Variants in ITPRID1 observed in about 807,000 individuals in gnomAD.
ITPRID1 encodes the protein protein ITPRID1.
Under a neutral mutation model 95.4 loss-of-function variants are expected in ITPRID1, and 96 were observed. The observed-to-expected ratio is 1.01, with a 90% CI of 0.85 to 1.19. The LOEUF is 1.19. Ranked by LOEUF, ITPRID1 falls within the 50% of genes most tolerant of loss-of-function variation. ITPRID1 has a pLI of 0.00. For missense variants in ITPRID1, 1,339 were observed against 1,252.9 expected (o/e 1.07, Z -1.04); for synonymous variants, 510 against 453.6 (o/e 1.12, Z -1.58).
At chr7:31,631,836 G>T (rs17160320) in intron 10 of ITPRID1, among the ~76,000 whole-genome samples, 1 of 152,168 alleles carries the variant, frequency 6.6e-6, no homozygotes, top group Non-Finnish European at 1.5e-5. Context: ...AAAATAATTA[G>T]CTTGTCTCAG....
chr7:31,583,153 A>C lies in ITPRID1; in HGVS notation c.1190A>C (p.Glu397Ala). 6.2e-7 allele frequency: 1 copy of C among 1,611,878 alleles called. No homozygotes were observed. Among genetic ancestry groups the C allele is most frequent in the Admixed American group, 1.7e-5 (1 of 59,978 alleles). ...TCTTAGGTCCAAAGCTTTGAAGAAGAGACTGGTAATCCTCTTGACATGACT... is the reference window on the plus strand; with the variant it reads ...TCTTAGGTCCAAAGCTTTGAAGAAGCGACTGGTAATCCTCTTGACATGACT... ...EMEEVQSFEE[E>A]TGNPLDMTSG... The change falls in exon 10 of 15, where the codon GAG becomes GCG. Residue 397 changes from glutamate (E) to alanine (A), a missense_variant. By Grantham distance (107) the Glu-to-Ala change is moderately radical. Coordinates refer to ENST00000615280, the MANE Select transcript of ITPRID1 (RefSeq NM_001257967.3).
intron 1 of ITPRID1, among the ~76,000 whole-genome samples, chr7:31,539,347 G>T (rs1308891401): frequency 6.6e-6 from 1 of 151,946 alleles, no homozygotes; most frequent in African/African-American, 2.4e-5. Flanking sequence ...ACCACACCTG[G>T]CTAATTTTTG....
chr7:31,614,011 G>A (rs763485), intron 10 of ITPRID1, among the ~76,000 whole-genome samples: 46,777 of 152,088 alleles, frequency 0.31, 7,614 homozygotes, highest in East Asian at 0.53. Context: ...TTGGCTCAGA[G>A]GAGTAAAGTG....
Position 31,551,480 on chromosome 7 carries a change from A to G in ITPRID1, c.-23-1522A>G, listed in dbSNP as rs539864328. On this transcript the variant is annotated intron_variant, in intron 2 of 14. Transcript: ENST00000615280. Reference sequence around the variant, plus strand: ...AGATATTCCTAAAGTTAACTGGCTAAAATATTGACTGTTAATATAGATATA... The same window carrying G: ...AGATATTCCTAAAGTTAACTGGCTAGAATATTGACTGTTAATATAGATATA... 1.9e-4 allele frequency among the ~76,000 whole-genome samples: 27 copies of G among 143,906 alleles called. 2 individuals carry two copies. Among genetic ancestry groups the G allele is most frequent in the Middle Eastern group, 3.7e-3 (1 of 270 alleles). The allele number at this position is 143,906 out of a possible 152,430, so 94.4% of individuals were successfully genotyped here.
In ITPRID1 at chr7:31,649,796, C is replaced by T. The variant is rs55688464; in HGVS notation, c.2584-1346C>T. Among the ~76,000 whole-genome samples, 1,248 of 152,210 alleles carry T rather than the reference C, an allele frequency of 8.2e-3. 43 individuals carry two copies. The highest frequency in any genetic ancestry group is 0.066 in the East Asian group (341 of 5,170). On this transcript the variant is annotated intron_variant, in intron 12 of 14. Transcript: ENST00000615280. ...AGAACTCAGCAAGTCATCAGAGTGC[C>T]GGCAAATGGACTGGGCTTGGAGGTG...
intron 10 of ITPRID1, among the ~76,000 whole-genome samples, chr7:31,641,822 T>A (rs532610142): frequency 6.6e-6 from 1 of 152,340 alleles, no homozygotes; most frequent in African/African-American, 2.4e-5. Context: ...ATGTGGTCTT[T>A]CATTATTTTA....
chr7:31,599,648 TTTCTTTCTTTC>T lies in ITPRID1; in HGVS notation c.1228+16458_1228+16468del, dbSNP rs1562598908. On this transcript the variant is annotated intron_variant, in intron 10 of 14. Coordinates refer to ENST00000615280, the MANE Select transcript of ITPRID1 (RefSeq NM_001257967.3). ...TTCTTTCTTTCTTTCTTTCTTTCTT[TTTCTTTCTTTC>T]CTTTCTCTCTCTCTCTCTCTCTCTC... Among the ~76,000 whole-genome samples the T allele has an allele frequency of 2.6e-3, 78 of 29,460 alleles. 3 individuals are homozygous for T. Among genetic ancestry groups the T allele is most frequent in the African/African-American group, 6.2e-3 (55 of 8,808 alleles). The allele number at this position is 29,460 out of a possible 152,430, so 19.3% of individuals were successfully genotyped here.
At position 31,567,735 on chromosome 7, in the gene ITPRID1, T is replaced by C. The variant is rs529139862; in HGVS notation, c.257-2023T>C. Reference sequence around the variant, plus strand: ...TAGCTGTCACCCTGCCTGACTCTTATGATGATAGTTACATTTGTTTTGTAG... The same window carrying C: ...TAGCTGTCACCCTGCCTGACTCTTACGATGATAGTTACATTTGTTTTGTAG... On this transcript the variant is annotated intron_variant, in intron 5 of 14. Coordinates refer to ENST00000615280, the MANE Select transcript of ITPRID1 (RefSeq NM_001257967.3). Among the ~76,000 whole-genome samples the C allele has an allele frequency of 1.1e-4, 16 of 152,256 alleles. No homozygotes were observed. The East Asian group carries it at 2.9e-3, about 28-fold the overall frequency.
intron 1 of ITPRID1, among the ~76,000 whole-genome samples, chr7:31,534,900 G>A (rs776740758): frequency 1.9e-4 from 28 of 151,330 alleles, no homozygotes; most frequent in Admixed American, 2.6e-4. Context: ...TTTTATCTTC[G>A]CTTTTTAAGA....
chr7:31,594,410 G>C (rs999940513), intron 10 of ITPRID1, among the ~76,000 whole-genome samples: 1 of 152,216 alleles, frequency 6.6e-6, no homozygotes, highest in African/African-American at 2.4e-5. Flanking sequence ...ATAAGGAACC[G>C]TTAATGGTGG....
chr7:31,658,298 C>CT (rs1791385903), downstream of ITPRID1: 8 of 1,494,476 alleles, frequency 5.4e-6, no homozygotes, highest in African/African-American at 1.5e-5. Context: ...GAGCTGGATC[C>CT]CTTTTTTTTT....
chr7:31,578,377 G>A lies in ITPRID1; in HGVS notation c.1113G>A (p.Lys371=), dbSNP rs1016728324. The change falls in exon 9 of 15, where the codon AAG becomes AAA. Residue 371 remains lysine, a synonymous_variant. Transcript: ENST00000615280. ...TQKENLFQTN[K]LKSLSHLAGK... The stretch of plus-strand genomic sequence containing the variant: ...AGGAGAACTTATTTCAGACTAACAA[G>A]CTCAAGAGCTTGTCTCATCTTGCAG... 9 of 1,613,490 alleles carry A rather than the reference G, an allele frequency of 5.6e-6. No individual in the cohort carries two copies. The highest frequency in any genetic ancestry group is 7.6e-6 in the Non-Finnish European group (9 of 1,179,712).
chr7:31,619,497 AT>A (rs1787594557), intron 10 of ITPRID1, among the ~76,000 whole-genome samples: 1 of 152,288 alleles, frequency 6.6e-6, no homozygotes, highest in Admixed American at 6.5e-5. Context: ...GTATCATAGC[AT>A]TTTGATAAGA....
chr7:31,545,426 G>A (rs1371377226), intron 1 of ITPRID1, among the ~76,000 whole-genome samples: 1 of 151,844 alleles, frequency 6.6e-6, no homozygotes, highest in Admixed American at 6.6e-5. Context: ...GAGAAATGTT[G>A]GATAAAGAGG....
Position 31,577,981 on chromosome 7 carries a change from A to G in ITPRID1, c.717A>G (p.Gln239=), listed in dbSNP as rs1233112429. The G allele has an allele frequency of 1.2e-6, 2 of 1,613,784 alleles. No individual in the cohort carries two copies. The highest frequency in any genetic ancestry group is 2.2e-5 in the South Asian group (2 of 91,060). ...AEEKAGGESV[Q]RTSVSAAKEH... ...AGAAAGCTGGAGGAGAGAGTGTGCAAAGAACCTCAGTGAGTGCCGCCAAAG... is the reference window on the plus strand; with the variant it reads ...AGAAAGCTGGAGGAGAGAGTGTGCAGAGAACCTCAGTGAGTGCCGCCAAAG... Residue 239 remains glutamine, a synonymous_variant, in exon 9 of 15, where the codon CAA becomes CAG. Transcript: ENST00000615280.
chr7:31,655,947 C>T lies in ITPRID1; in HGVS notation c.*3118C>T. ...TACCAGTCTCATTTCCTGCTCATCC[C>T]TCAGATGAATCTCCAATTCTATTCC... On this transcript the variant is annotated 3_prime_UTR_variant, in exon 15 of 15. Coordinates refer to ENST00000615280, the MANE Select transcript of ITPRID1 (RefSeq NM_001257967.3). 1.0e-6 allele frequency: 1 copy of T among 985,310 alleles called. No homozygotes were observed. The highest frequency in any genetic ancestry group is 1.2e-6 in the Non-Finnish European group (1 of 829,820). The allele number at this position is 985,310 out of a possible 1,614,324, so 61.0% of individuals were successfully genotyped here. A position where few individuals can be genotyped will look rare whatever the true frequency, so the allele number is the denominator to read the frequency against.
chr7:31,642,219 C>A lies in ITPRID1; in HGVS notation c.1272C>A (p.Ser424Arg). Residue 424 changes from serine to arginine, a missense_variant, in exon 11 of 15, where the codon AGC (serine) becomes AGA (arginine). By Grantham distance (110) the Ser-to-Arg change is moderately radical. Coordinates refer to ENST00000615280, the MANE Select transcript of ITPRID1 (RefSeq NM_001257967.3). ...DRANSCQSDS[S>R]GFLEEPLEPL... ...CAAATAGCTGCCAGTCTGACAGCAG[C>A]GGGTTCCTGGAGGAGCCGCTGGAAC... The A allele has an allele frequency of 1.9e-6, 3 of 1,560,044 alleles. No homozygotes were observed. Among genetic ancestry groups the A allele is most frequent in the Non-Finnish European group, 2.6e-6 (3 of 1,152,718 alleles).
chr7:31,623,153 AC>A (rs1368010880), intron 10 of ITPRID1, among the ~76,000 whole-genome samples: 7 of 152,184 alleles, frequency 4.6e-5, no homozygotes, highest in Admixed American at 4.6e-4. Flanking sequence ...AGATGGATTC[AC>A]AGCCGAATTC....
intron 6 of ITPRID1, among the ~76,000 whole-genome samples, chr7:31,570,082 G>C (rs938193527): frequency 6.6e-6 from 1 of 152,140 alleles, no homozygotes; most frequent in African/African-American, 2.4e-5. Context: ...ACATTCTACT[G>C]TACTGCAACT....
Sources: allele counts gnomAD v4.1 joint callset (sites outside exome capture counted in the v4.1 genomes callset), GRCh38; gene constraint gnomAD v4.1.1; transcripts MANE v1.5; gene names NCBI Gene and HGNC (gene_info 2026-07-23, HGNC 2026-07-21).